Variants in VPS4A observed in about 807,000 individuals in gnomAD.
VPS4A encodes vacuolar protein sorting 4 homolog A.
VPS4A carries 20 observed loss-of-function variants against 52.3 expected under a neutral mutation model. That is an observed-to-expected ratio of 0.38 (90% CI 0.27 to 0.56). The LOEUF is 0.56. Among genes scored for constraint, VPS4A ranks in the 20% least tolerant of loss-of-function variants. VPS4A has a pLI of 0.72. For missense variants in VPS4A, 419 were observed against 575.9 expected, an observed-to-expected ratio of 0.73 and a Z score of 2.79; for synonymous variants, 293 against 227.7, an observed-to-expected ratio of 1.29 and a Z score of -2.58.
rs145630547 is a variant in VPS4A, at chr16:69,319,627, AGAG to A, written c.620+88_620+90del. On this transcript the variant is annotated intron_variant, in intron 6 of 10. Coordinates refer to ENST00000254950, the MANE Select transcript of VPS4A (RefSeq NM_013245.3). ...GGCCCACCCTGTGGAGTCACCTCTC[AGAG>A]GAGTGGTTTGGTTTTCAGGGAGGGT... The A allele has an allele frequency of 3.1e-3, 4,684 of 1,510,520 alleles. 110 individuals carry two copies. The African/African-American group carries it at 0.053, about 17-fold the overall frequency. 93.6% of individuals were successfully genotyped at this position (1,510,520 alleles called of 1,614,324 possible). A position where few individuals can be genotyped will look rare whatever the true frequency, so the allele number is the denominator to read the frequency against.
intron 1 of VPS4A, 91 bp from the exon 2 acceptor site, chr16:69,315,917 A>G: frequency 1.9e-6 from 2 of 1,068,892 alleles, no homozygotes; most frequent in East Asian, 2.4e-5. Context: ...GCCCAGCGGC[A>G]TCCCTCGTCA....
Position 69,320,960 on chromosome 16 carries a change from C to G in VPS4A, c.852-91C>G. 1 of 1,358,822 alleles carries G rather than the reference C, an allele frequency of 7.4e-7. No individual in the cohort carries two copies. The highest frequency in any genetic ancestry group is 1.0e-6 in the Non-Finnish European group (1 of 979,992). 84.2% of individuals were successfully genotyped at this position (1,358,822 alleles called of 1,614,324 possible). A position where few individuals can be genotyped will look rare whatever the true frequency, so the allele number is the denominator to read the frequency against. ...GCCAGCATCACTGGCCCATGAAATG[C>G]GTCCGTTTCACTCAAATCTTCGTGC... On this transcript the variant is annotated intron_variant, in intron 8 of 10. Coordinates refer to ENST00000254950, the MANE Select transcript of VPS4A (RefSeq NM_013245.3). The surrounding 1 kb of genome is among the most constrained non-coding windows in gnomAD (Gnocchi z 4.2).
rs933478714 is a variant in VPS4A at position 69,325,394 on chromosome 16, G to A, written c.*1085G>A. The A allele has an allele frequency of 4.1e-4, 56 of 136,000 alleles. No individual in the cohort carries two copies. Among genetic ancestry groups the A allele is most frequent in the Middle Eastern group, 3.8e-3 (1 of 262 alleles). 8.4% of individuals were successfully genotyped at this position (136,000 alleles called of 1,614,324 possible). ...ATTTAAAAGTCGAGAGTTGCTGGGC[G>A]CGGTGGCTCACGCCTGTAATCCCAG... is the stretch of plus-strand genomic sequence containing the variant. On this transcript the variant is annotated 3_prime_UTR_variant, in exon 11 of 11. Coordinates refer to ENST00000254950, the MANE Select transcript of VPS4A (RefSeq NM_013245.3).
Position 69,324,204 on chromosome 16 carries a change from A to G in VPS4A, c.1213-4A>G. 1 of 1,612,462 alleles carries G rather than the reference A, an allele frequency of 6.2e-7. No homozygotes were observed. Among genetic ancestry groups the G allele is most frequent in the South Asian group, 1.1e-5 (1 of 90,562 alleles). ...TGCTCAGGCACATACTGTTGCCTTC[A>G]CAGTCGGACATGCTGCGGTCTCTGG... is the stretch of plus-strand genomic sequence containing the variant. On this transcript the variant is annotated splice_polypyrimidine_tract_variant and splice_region_variant and intron_variant, in intron 10 of 10. Coordinates refer to ENST00000254950, the MANE Select transcript of VPS4A (RefSeq NM_013245.3).
Position 69,316,292 on chromosome 16 carries a change from C to T in VPS4A, c.201C>T (p.Ala67=), listed in dbSNP as rs761752474. Residue 67 remains alanine (A), a synonymous_variant, in exon 3 of 11, where the codon GCC becomes GCT. Transcript: ENST00000254950. ...AGTGCGTGCAGTACCTAGACCGGGC[C>T]GAGAAGCTGAAGGATTATTTACGAA... The part of the protein sequence containing the change: ...RAKCVQYLDR[A]EKLKDYLRSK... 12 of 1,613,648 alleles carry T rather than the reference C, an allele frequency of 7.4e-6. No homozygotes were observed. The highest frequency in any genetic ancestry group is 1.3e-5 in the African/African-American group (1 of 74,886).
chr16:69,323,816 G>A (rs898473936), intron 10 of VPS4A: 3 of 374,830 alleles, frequency 8.0e-6, no homozygotes, highest in African/African-American at 4.2e-5. Context: ...CATGTGTGGT[G>A]GCACGTGCCT....
chr16:69,319,011 C>G, intron 5 of VPS4A, 69 bp downstream of exon 5: 1 of 1,571,570 alleles, frequency 6.4e-7, no homozygotes, highest in Non-Finnish European at 8.6e-7. Flanking sequence ...CACTCCGAGG[C>G]ACCCGGGAGT....
intron 10 of VPS4A, among the ~76,000 whole-genome samples, chr16:69,323,962 A>G (rs1349033228): frequency 3.3e-5 from 5 of 151,332 alleles, no homozygotes; most frequent in South Asian, 4.2e-4. Context: ...AAAAAAAAAA[A>G]AAAGAAAGCA....
intron 5 of VPS4A, among the ~76,000 whole-genome samples, 197 bp downstream of exon 5, chr16:69,319,139 G>A (rs934031766): frequency 6.6e-6 from 1 of 152,188 alleles, no homozygotes; most frequent in African/African-American, 2.4e-5. Context: ...GTGGGGGCAG[G>A]ATCAGGAAGC....
chr16:69,312,993 T>G (rs1965395536), intron 1 of VPS4A, among the ~76,000 whole-genome samples: 1 of 151,894 alleles, frequency 6.6e-6, no homozygotes, highest in African/African-American at 2.4e-5. Context: ...ATTAATTTTT[T>G]TTTTTGAGAC....
Position 69,321,044 on chromosome 16 carries a change from T to C in VPS4A, c.852-7T>C. On this transcript the variant is annotated splice_region_variant and splice_polypyrimidine_tract_variant and intron_variant, in intron 8 of 10. Coordinates refer to ENST00000254950, the MANE Select transcript of VPS4A (RefSeq NM_013245.3). The surrounding 1 kb of genome is among the most constrained non-coding windows in gnomAD (Gnocchi z 4.5). ...TGTCAACTCCTGCCGTGTGCTGGGC[T>C]CTCTAGGTTTGAAAAACGAATTTAT... The C allele has an allele frequency of 6.4e-7, 1 of 1,572,286 alleles. No individual in the cohort carries two copies. Among genetic ancestry groups the C allele is most frequent in the Non-Finnish European group, 8.6e-7 (1 of 1,158,264 alleles).
Position 69,320,929 on chromosome 16 carries a change from T to C in VPS4A, c.852-122T>C. 3.2e-6 allele frequency: 4 copies of C among 1,241,214 alleles called. No individual in the cohort carries two copies. Among genetic ancestry groups the C allele is most frequent in the South Asian group, 1.4e-5 (1 of 70,994 alleles). 76.9% of individuals were successfully genotyped at this position (1,241,214 alleles called of 1,614,324 possible). On this transcript the variant is annotated intron_variant, in intron 8 of 10. Transcript: ENST00000254950. This position sits in a 1 kb window ranked among gnomAD's most constrained non-coding sequence, Gnocchi z 4.2. ...CTTTGTGAGGCTGGCTTGTTGAGGATGTGCCGCCAGCATCACTGGCCCATG... is the reference window on the plus strand; with the variant it reads ...CTTTGTGAGGCTGGCTTGTTGAGGACGTGCCGCCAGCATCACTGGCCCATG...
At position 69,320,358 on chromosome 16, in the gene VPS4A, G is replaced by A; in HGVS notation, c.769+69G>A. On this transcript the variant is annotated intron_variant, in intron 7 of 10. Transcript: ENST00000254950. The surrounding 1 kb of genome is among the most constrained non-coding windows in gnomAD (Gnocchi z 4.2). ...AAGCCAACCCTGGGCTTTATTCTGA[G>A]CTGCGGCTGGATTTGGTTGTTCTCA... 1 of 1,574,108 alleles carries A rather than the reference G, an allele frequency of 6.4e-7. No individual in the cohort carries two copies. The highest frequency in any genetic ancestry group is 8.7e-7 in the Non-Finnish European group (1 of 1,154,842).
Position 69,311,490 on chromosome 16 carries a change from T to TG in VPS4A, c.-18dup, listed in dbSNP as rs1395252598. 8.2e-6 allele frequency: 11 copies of TG among 1,339,376 alleles called. No homozygotes were observed. The highest frequency in any genetic ancestry group is 1.1e-5 in the Non-Finnish European group (11 of 1,032,218). 83.0% of individuals were successfully genotyped at this position (1,339,376 alleles called of 1,614,324 possible). A position where few individuals can be genotyped will look rare whatever the true frequency, so the allele number is the denominator to read the frequency against. On this transcript the variant is annotated 5_prime_UTR_variant, in exon 1 of 11. Coordinates refer to ENST00000254950, the MANE Select transcript of VPS4A (RefSeq NM_013245.3). ...AGGCCGCAAGCAGCGCCGCGGGGTG[T>TG]GGGGCGGACCCAGGAGATGAAATGA...
chr16:69,324,280 T>G lies in VPS4A; in HGVS notation c.1285T>G (p.Phe429Val). ...AGACGACCTCCTGAAAGTGAAGAAA[T>G]TCTCAGAGGACTTTGGGCAAGAGAG... ...NADDLLKVKK[F>V]SEDFGQES Residue 429 changes from phenylalanine to valine, a missense_variant, in exon 11 of 11, where the codon TTC becomes GTC. Around this residue, in one of 3 missense-constraint regions of VPS4A, gnomAD observed 185 missense variants for 200.2 expected, o/e 0.92. Coordinates refer to ENST00000254950, the MANE Select transcript of VPS4A (RefSeq NM_013245.3). 6.2e-7 allele frequency: 1 copy of G among 1,613,900 alleles called. No homozygotes were observed. The highest frequency in any genetic ancestry group is 8.5e-7 in the Non-Finnish European group (1 of 1,179,862).
chr16:69,311,497 GACC>G lies in VPS4A; in HGVS notation c.-14_-12del, dbSNP rs1168847324. ...AAGCAGCGCCGCGGGGTGTGGGGCGGACCCAGGAGATGAAATGACAACGTCAAC... is the reference window on the plus strand; with the variant it reads ...AAGCAGCGCCGCGGGGTGTGGGGCGGCAGGAGATGAAATGACAACGTCAAC... On this transcript the variant is annotated 5_prime_UTR_variant, in exon 1 of 11. Coordinates refer to ENST00000254950, the MANE Select transcript of VPS4A (RefSeq NM_013245.3). 7.4e-7 allele frequency: 1 copy of G among 1,349,928 alleles called. No individual in the cohort carries two copies. Among genetic ancestry groups the G allele is most frequent in the African/African-American group, 1.5e-5 (1 of 66,642 alleles). The allele number at this position is 1,349,928 out of a possible 1,614,324, so 83.6% of individuals were successfully genotyped here.
At position 69,320,442 on chromosome 16, in the gene VPS4A, C is replaced by A; in HGVS notation, c.769+153C>A. 4 of 1,152,402 alleles carry A rather than the reference C, an allele frequency of 3.5e-6. No homozygotes were observed. Among genetic ancestry groups the A allele is most frequent in the East Asian group, 2.6e-5 (1 of 39,008 alleles). 71.4% of individuals were successfully genotyped at this position (1,152,402 alleles called of 1,614,324 possible). On this transcript the variant is annotated intron_variant, in intron 7 of 10. Coordinates refer to ENST00000254950, the MANE Select transcript of VPS4A (RefSeq NM_013245.3). This position sits in a 1 kb window ranked among gnomAD's most constrained non-coding sequence, Gnocchi z 4.2. The stretch of plus-strand genomic sequence containing the variant: ...CAGGGCACGGGTGGACTTCAATTCC[C>A]AAGAGGTGCCTGAGGCCTCTGCCTC...
intron 2 of VPS4A, 42 bp downstream of exon 2, chr16:69,316,161 G>T: frequency 6.2e-7 from 1 of 1,612,632 alleles, no homozygotes; most frequent in South Asian, 1.1e-5. Context: ...CACTCCAGAG[G>T]GGAGCGGAGG....
At position 69,320,138 on chromosome 16, in the gene VPS4A, C is replaced by T; in HGVS notation, c.621-3C>T. On this transcript the variant is annotated splice_region_variant and splice_polypyrimidine_tract_variant and intron_variant, in intron 6 of 10. Coordinates refer to ENST00000254950, the MANE Select transcript of VPS4A (RefSeq NM_013245.3). The surrounding 1 kb of genome is among the most constrained non-coding windows in gnomAD (Gnocchi z 4.2). ...GTCCTCACCCCCTTTCTCACCTTCA[C>T]AGGCTGGTCAAGAACCTGTTTGAGC... 1.9e-6 allele frequency: 3 copies of T among 1,612,018 alleles called. No individual in the cohort carries two copies. Among genetic ancestry groups the T allele is most frequent in the Non-Finnish European group, 2.5e-6 (3 of 1,178,514 alleles).
Sources: allele counts gnomAD v4.1 joint callset (sites outside exome capture counted in the v4.1 genomes callset), GRCh38; gene constraint gnomAD v4.1.1; regional missense constraint gnomAD v4.1.1; non-coding constraint Gnocchi (gnomAD v3.1); transcripts MANE v1.5; gene names NCBI Gene and HGNC (gene_info 2026-07-23, HGNC 2026-07-21).